The following PCDH15 variants were observed in gnomAD, a reference collection of about 807,000 sequenced individuals.
The protein encoded by PCDH15 is protocadherin-15.
In PCDH15, 129 loss-of-function variants were observed where a neutral mutation model predicts 178.5. That is an observed-to-expected ratio of 0.72 (90% CI 0.63 to 0.84). The LOEUF (loss-of-function observed/expected upper bound fraction) is 0.84. Ranked by LOEUF, PCDH15 falls within the 40% of genes least tolerant of loss-of-function variation. The pLI, the probability that PCDH15 is intolerant of heterozygous loss-of-function variation, is 0.00. For synonymous variants in PCDH15, 800 were observed against 732.0 expected (o/e 1.09, Z -1.50); for missense variants, 2,230 against 2,099.9 (o/e 1.06, Z -1.21).
rs375310468 is a variant in PCDH15 at position 53,888,303 on chromosome 10, T to TAC, written c.3501+14939_3501+14940insGT. On this transcript the variant is annotated intron_variant, in intron 26 of 37. Transcript: ENST00000644397. ...AACACTATATATACATATATATATA[T>TAC]ATATATGTATATATGTACGTATATA... Among the ~76,000 whole-genome samples the TAC allele has an allele frequency of 2.5e-3, 138 of 54,288 alleles. 4 individuals are homozygous for TAC. The highest frequency in any genetic ancestry group is 9.8e-3 in the South Asian group (11 of 1,128). 35.6% of individuals were successfully genotyped at this position (54,288 alleles called of 152,430 possible).
At chr10:54,075,989 A>G (rs1440236178) in intron 17 of PCDH15, among the ~76,000 whole-genome samples, 2 of 152,204 alleles carry the variant, frequency 1.3e-5, no homozygotes, top group Non-Finnish European at 2.9e-5. Context: ...AATTATTTCT[A>G]CAAATAACAT....
intron 29 of PCDH15, among the ~76,000 whole-genome samples, chr10:53,834,289 T>C (rs11003876): frequency 0.4 from 60,646 of 151,908 alleles, 12,800 homozygotes; most frequent in East Asian, 0.75. Flanking sequence ...ATTTCACCAA[T>C]CCATACCATT....
chr10:54,558,836 C>T (rs1174412093), intron 2 of PCDH15, among the ~76,000 whole-genome samples: 1 of 151,898 alleles, frequency 6.6e-6, no homozygotes, highest in Non-Finnish European at 1.5e-5. Flanking sequence ...CTCCAAAGAC[C>T]CCACTTCTAT....
chr10:54,579,896 A>G (rs2133769519), intron 2 of PCDH15, among the ~76,000 whole-genome samples: 2 of 152,188 alleles, frequency 1.3e-5, no homozygotes, highest in East Asian at 1.9e-4. Flanking sequence ...ATAAACAACG[A>G]TATTAAGGAA....
intron 1 of PCDH15, among the ~76,000 whole-genome samples, chr10:55,289,600 T>G (rs1323406509): frequency 6.6e-6 from 1 of 152,084 alleles, no homozygotes; most frequent in Non-Finnish European, 1.5e-5. Context: ...TGGCATCTTA[T>G]GGACCCCTAA....
chr10:53,841,784 A>C (rs998519884), intron 28 of PCDH15, among the ~76,000 whole-genome samples: 2 of 152,122 alleles, frequency 1.3e-5, no homozygotes, highest in Non-Finnish European at 2.9e-5. Context: ...ATGATGTGTA[A>C]AAAAGGAGGA....
intron 28 of PCDH15, among the ~76,000 whole-genome samples, chr10:53,845,779 AAAAT>A (rs1171196293): frequency 2.6e-5 from 4 of 151,722 alleles, no homozygotes; most frequent in Non-Finnish European, 5.9e-5. Flanking sequence ...ACAGATAGAG[AAAAT>A]AAATAAGTTA....
In PCDH15 at chr10:55,275,707, T is replaced by C. The variant is rs552572859; in HGVS notation, c.-156+43892A>G. Reference sequence around the variant, plus strand: ...TGAAATCAGTAGGACTTGTCTCTCTTTTTTTTTTTTTCCTGTAGAGTATTT... The same window carrying C: ...TGAAATCAGTAGGACTTGTCTCTCTCTTTTTTTTTTTCCTGTAGAGTATTT... On this transcript the variant is annotated intron_variant, in intron 1 of 5. Transcript: ENST00000458638. 1.6e-3 allele frequency among the ~76,000 whole-genome samples: 222 copies of C among 139,590 alleles called. 2 individuals are homozygous for C. The highest frequency in any genetic ancestry group is 5.5e-3 in the African/African-American group (205 of 37,330). The allele number at this position is 139,590 out of a possible 152,430, so 91.6% of individuals were successfully genotyped here. A position where few individuals can be genotyped will look rare whatever the true frequency, so the allele number is the denominator to read the frequency against.
intron 2 of PCDH15, among the ~76,000 whole-genome samples, chr10:55,090,796 C>T (rs1842298358): frequency 3.3e-5 from 5 of 151,990 alleles, no homozygotes; most frequent in Admixed American, 3.3e-4. Context: ...AAGTTCTGCA[C>T]TGATTTGGAA....
chr10:55,060,576 G>A (rs1355470350), intron 2 of PCDH15, among the ~76,000 whole-genome samples: 2 of 151,800 alleles, frequency 1.3e-5, no homozygotes, highest in Non-Finnish European at 2.9e-5. Flanking sequence ...GAAATATATA[G>A]ATAATTCATA....
intron 3 of PCDH15, among the ~76,000 whole-genome samples, chr10:54,818,320 G>T (rs780534989): frequency 2.6e-5 from 4 of 152,034 alleles, no homozygotes; most frequent in African/African-American, 9.7e-5. Flanking sequence ...ATTGCAAATT[G>T]TGGCAAATCG....
At chr10:55,016,905 G>GAAA (rs1440044784) in intron 2 of PCDH15, among the ~76,000 whole-genome samples, 1 of 151,656 alleles carries the variant, frequency 6.6e-6, no homozygotes, top group African/African-American at 2.4e-5. Flanking sequence ...CTTCATGGGA[G>GAAA]AAAAAAATAA....
chr10:55,093,728 A>G (rs989160128), intron 2 of PCDH15, among the ~76,000 whole-genome samples: 2 of 152,156 alleles, frequency 1.3e-5, no homozygotes, highest in African/African-American at 4.8e-5. Context: ...AAAAGTGGGC[A>G]AAGGATATGA....
At position 54,217,464 on chromosome 10, in the gene PCDH15, A is replaced by G. The variant is rs542086968; in HGVS notation, c.986-3416T>C. On this transcript the variant is annotated intron_variant, in intron 9 of 37. Transcript: ENST00000644397. ...GTTATAGGAGTATTTTACAATAAAT[A>G]AGCACATTATTATGTGTCATTCTGA... is the stretch of plus-strand genomic sequence containing the variant. Among the ~76,000 whole-genome samples, 7 of 152,336 alleles carry G rather than the reference A, an allele frequency of 4.6e-5. No homozygotes were observed. In the East Asian group the frequency reaches 7.7e-4, roughly 17 times the overall value.
intron 2 of PCDH15, among the ~76,000 whole-genome samples, chr10:55,555,045 T>C (rs1842064959): frequency 6.6e-6 from 1 of 152,044 alleles, no homozygotes; most frequent in African/African-American, 2.4e-5. Flanking sequence ...TTGAAGAAAA[T>C]CAGTATTTCC....
In PCDH15 at chr10:54,687,185, A is replaced by G. The variant is rs1297409589; in HGVS notation, c.-28-22895T>C. ...TTTAGTAAGAATGTGGAGAAAGTGG[A>G]ACTCTTGAAAACTGTTGGTGGGAAT... is the stretch of plus-strand genomic sequence containing the variant. On this transcript the variant is annotated intron_variant, in intron 1 of 37. Transcript: ENST00000644397. Among the ~76,000 whole-genome samples the G allele has an allele frequency of 2.0e-5, 3 of 152,284 alleles. No homozygotes were observed. In the East Asian group the frequency reaches 5.8e-4, roughly 29 times the overall value.
intron 2 of PCDH15, among the ~76,000 whole-genome samples, chr10:54,996,969 T>C (rs996038353): frequency 1.2e-4 from 18 of 151,604 alleles, no homozygotes; most frequent in African/African-American, 4.1e-4. Context: ...ATTAGCCGGG[T>C]GTAGTGGCGG....
chr10:55,150,587 G>A (rs1331216606), intron 2 of PCDH15, among the ~76,000 whole-genome samples: 1 of 152,046 alleles, frequency 6.6e-6, no homozygotes, highest in Non-Finnish European at 1.5e-5. Flanking sequence ...CACAACTGGA[G>A]GGTAAAAATT....
At chr10:54,126,263 G>A (rs545748544) in intron 15 of PCDH15, among the ~76,000 whole-genome samples, 1 of 151,930 alleles carries the variant, frequency 6.6e-6, no homozygotes, top group Non-Finnish European at 1.5e-5. Flanking sequence ...TAGAGACAGG[G>A]ATTCACCATA....
Sources: gnomAD v4.1 joint callset for allele counts (sites outside exome capture counted in the v4.1 genomes callset) on GRCh38, gnomAD v4.1.1 for gene constraint, MANE v1.5 for transcripts, NCBI Gene and HGNC (gene_info 2026-07-23, HGNC 2026-07-21) for gene names.